The following KHSRP variants were observed in gnomAD, a reference collection of about 807,000 sequenced individuals.
KHSRP encodes KH-type splicing regulatory protein, also known as far upstream element-binding protein 2.
In KHSRP, 13 loss-of-function variants were observed where a neutral mutation model predicts 94.9. That is an observed-to-expected ratio of 0.14 (90% CI 0.09 to 0.22). The LOEUF is 0.22. KHSRP is among the 10% of genes least tolerant of loss of function. The probability of loss-of-function intolerance (pLI) is 1.00; values close to 1 mark genes in which losing one functional copy is unlikely to be tolerated. For synonymous variants in KHSRP, 495 were observed against 401.4 expected, an observed-to-expected ratio of 1.23 and a Z score of -2.79; for missense variants, 710 against 1,010.0, an observed-to-expected ratio of 0.70 and a Z score of 4.03.
chr19:6,414,895 G>C lies in KHSRP; in HGVS notation c.*129C>G. 1.5e-6 allele frequency: 2 copies of C among 1,377,572 alleles called. No individual in the cohort carries two copies. The highest frequency in any genetic ancestry group is 1.9e-6 in the Non-Finnish European group (2 of 1,069,934). 85.3% of individuals were successfully genotyped at this position (1,377,572 alleles called of 1,614,324 possible). A position where few individuals can be genotyped will look rare whatever the true frequency, so the allele number is the denominator to read the frequency against. Reference sequence around the variant, plus strand: ...CTCAGCGCTCCCCAGCATCACGACAGCGGCACACAGGAACAAGCAGCCGGC... The same window carrying C: ...CTCAGCGCTCCCCAGCATCACGACACCGGCACACAGGAACAAGCAGCCGGC... On this transcript the variant is annotated 3_prime_UTR_variant, in exon 19 of 19. Transcript: ENST00000600480.
chr19:6,418,210 C>T lies in KHSRP; in HGVS notation c.880-131G>A. ...GAGCCCAGCACAGCACCCTACTGAG[C>T]TCTCTACCTGCCACTTTAATGGGGA... On this transcript the variant is annotated intron_variant, in intron 9 of 18. Transcript: ENST00000600480. This position sits in a 1 kb window ranked among gnomAD's most constrained non-coding sequence, Gnocchi z 4.3. 1.3e-6 allele frequency: 1 copy of T among 752,706 alleles called. No individual in the cohort carries two copies. The highest frequency in any genetic ancestry group is 2.3e-6 in the Non-Finnish European group (1 of 442,256). The allele number at this position is 752,706 out of a possible 1,614,324, so 46.6% of individuals were successfully genotyped here. A position where few individuals can be genotyped will look rare whatever the true frequency, so the allele number is the denominator to read the frequency against.
intron 1 of KHSRP, 50 bp downstream of exon 1, chr19:6,424,403 C>T (rs958839278): frequency 1.1e-5 from 11 of 960,016 alleles, no homozygotes; most frequent in Middle Eastern, 5.2e-4. Flanking sequence ...GCCCCCTCCC[C>T]CGCCTGCGCG....
Position 6,415,815 on chromosome 19 carries a change from A to T in KHSRP, c.1680T>A (p.His560Gln), listed in dbSNP as rs1415738388. Residue 560 changes from histidine (H) to glutamine (Q), a missense_variant, in exon 16 of 19, where the codon CAT becomes CAA. Physicochemically the swap from His to Gln is conservative, Grantham distance 24. This residue lies in a region of KHSRP where 292 missense variants were observed against 340.5 expected (regional missense o/e 0.86). Transcript: ENST00000600480. ...AGGTGGCCCATCACTTACTTGGGTCATGAGGAGCAGGCGGCTGCCACTGGG... is the reference window on the plus strand; with the variant it reads ...AGGTGGCCCATCACTTACTTGGGTCTTGAGGAGCAGGCGGCTGCCACTGGG... ...TYPQWQPPAP[H>Q]DPSKAAAAAA... The T allele has an allele frequency of 1.9e-6, 3 of 1,571,232 alleles. No homozygotes were observed. The highest frequency in any genetic ancestry group is 2.6e-6 in the Non-Finnish European group (3 of 1,159,026).
chr19:6,415,643 G>C lies in KHSRP; in HGVS notation c.1779C>G (p.Gly593=), dbSNP rs1182134317. ...GTGGGGCCGCAGGGGCCGGTGCGGG[G>C]CCGGGGACGGGGCCCGGGGGCTGCT... ...YYQQPPGPVP[G]PAPAPAAPPA... The change falls in exon 17 of 19, where the codon GGC becomes GGG. Residue 593 remains glycine, a synonymous_variant. Transcript: ENST00000600480. 1 of 1,534,844 alleles carries C rather than the reference G, an allele frequency of 6.5e-7. No individual in the cohort carries two copies. Among genetic ancestry groups the C allele is most frequent in the Non-Finnish European group, 8.8e-7 (1 of 1,142,148 alleles).
At position 6,414,249 on chromosome 19, in the gene KHSRP, G is replaced by A. The variant is rs1490138216; in HGVS notation, c.*775C>T. On this transcript the variant is annotated 3_prime_UTR_variant, in exon 19 of 19. Transcript: ENST00000600480. ...GAAGCCCCCTCCCAAACCTGCGCTG[G>A]CTCAGGCTGGAAGGACGTGCTTGTT... 1.3e-6 allele frequency: 2 copies of A among 1,489,348 alleles called. No homozygotes were observed. The highest frequency in any genetic ancestry group is 2.4e-5 in the East Asian group (1 of 40,872). The allele number at this position is 1,489,348 out of a possible 1,614,324, so 92.3% of individuals were successfully genotyped here.
Position 6,418,218 on chromosome 19 carries a change from C to G in KHSRP, c.880-139G>C, listed in dbSNP as rs923944531. 6.8e-6 allele frequency: 5 copies of G among 731,466 alleles called. No individual in the cohort carries two copies. In the African/African-American group the frequency reaches 8.8e-5, roughly 13 times the overall value. 45.3% of individuals were successfully genotyped at this position (731,466 alleles called of 1,614,324 possible). A position where few individuals can be genotyped will look rare whatever the true frequency, so the allele number is the denominator to read the frequency against. On this transcript the variant is annotated intron_variant, in intron 9 of 18. Coordinates refer to ENST00000600480, the MANE Select transcript of KHSRP (RefSeq NM_001366299.1). This position sits in a 1 kb window ranked among gnomAD's most constrained non-coding sequence, Gnocchi z 4.3. ...CACAGCACCCTACTGAGCTCTCTAC[C>G]TGCCACTTTAATGGGGAGGCACTAC...
In KHSRP at chr19:6,414,669, A is replaced by G; in HGVS notation, c.*355T>C. The stretch of plus-strand genomic sequence containing the variant: ...GCAACACAGTCACTTGGACACAGGA[A>G]AAAAGATCATGGGTTTAAAAAATAA... On this transcript the variant is annotated 3_prime_UTR_variant, in exon 19 of 19. Coordinates refer to ENST00000600480, the MANE Select transcript of KHSRP (RefSeq NM_001366299.1). The G allele has an allele frequency of 9.9e-7, 1 of 1,013,234 alleles. No homozygotes were observed. The highest frequency in any genetic ancestry group is 4.3e-5 in the South Asian group (1 of 23,264). The allele number at this position is 1,013,234 out of a possible 1,614,324, so 62.8% of individuals were successfully genotyped here. A position where few individuals can be genotyped will look rare whatever the true frequency, so the allele number is the denominator to read the frequency against.
At position 6,424,515 on chromosome 19, in the gene KHSRP, C is replaced by T. The variant is rs1252519140; in HGVS notation, c.187G>A (p.Gly63Ser). The T allele has an allele frequency of 3.0e-6, 3 of 986,366 alleles. No homozygotes were observed. The highest frequency in any genetic ancestry group is 3.6e-6 in the Non-Finnish European group (3 of 832,200). The allele number at this position is 986,366 out of a possible 1,614,324, so 61.1% of individuals were successfully genotyped here. A position where few individuals can be genotyped will look rare whatever the true frequency, so the allele number is the denominator to read the frequency against. ...GSAGGPSQPP[G>S]GGGPGIRKDA... is the part of the protein sequence containing the mutation. Reference sequence around the variant, plus strand: ...TTGCGGATTCCCGGGCCGCCTCCGCCGGGTGGCTGAGAGGGGCCCCCGGCC... The same window carrying T: ...TTGCGGATTCCCGGGCCGCCTCCGCTGGGTGGCTGAGAGGGGCCCCCGGCC... Residue 63 changes from glycine (G) to serine (S), a missense_variant, in exon 1 of 19, where the codon GGC becomes AGC. Gly to Ser is a moderately conservative substitution (Grantham distance 56). Transcript: ENST00000600480.
chr19:6,417,109 C>T, intron 11 of KHSRP, 22 bp from the exon 12 acceptor site: 1 of 1,576,108 alleles, frequency 6.3e-7, no homozygotes, highest in Non-Finnish European at 8.6e-7. Flanking sequence ...ACCGAGAGAG[C>T]AGAGACACAA....
In KHSRP at chr19:6,418,187, G is replaced by A; in HGVS notation, c.880-108C>T. ...CTAAGGACCCACGAACCCTGGGTGA[G>A]CCCAGCACAGCACCCTACTGAGCTC... On this transcript the variant is annotated intron_variant, in intron 9 of 18. Coordinates refer to ENST00000600480, the MANE Select transcript of KHSRP (RefSeq NM_001366299.1). This position sits in a 1 kb window ranked among gnomAD's most constrained non-coding sequence, Gnocchi z 4.3. 1.1e-6 allele frequency: 1 copy of A among 881,272 alleles called. No individual in the cohort carries two copies. Among genetic ancestry groups the A allele is most frequent in the East Asian group, 2.6e-5 (1 of 38,090 alleles). The allele number at this position is 881,272 out of a possible 1,614,324, so 54.6% of individuals were successfully genotyped here. A position where few individuals can be genotyped will look rare whatever the true frequency, so the allele number is the denominator to read the frequency against.
chr19:6,419,310 A>C, intron 6 of KHSRP, 50 bp from the exon 7 acceptor site: 2 of 1,507,440 alleles, frequency 1.3e-6, no homozygotes, highest in Non-Finnish European at 1.8e-6. Context: ...CAGGCAGAGA[A>C]AGGCCTGCCT....
Position 6,413,320 on chromosome 19 carries a change from G to A in KHSRP, c.*1704C>T. 2 of 298,186 alleles carry A rather than the reference G, an allele frequency of 6.7e-6. No homozygotes were observed. The highest frequency in any genetic ancestry group is 1.4e-5 in the Non-Finnish European group (2 of 147,586). 18.5% of individuals were successfully genotyped at this position (298,186 alleles called of 1,614,324 possible). On this transcript the variant is annotated 3_prime_UTR_variant, in exon 19 of 19. Transcript: ENST00000600480. ...AAACTACAGGGAGGGAAGGAAAGGGGGGGAGACAGACAGCACCCGCAGACG... is the reference window on the plus strand; with the variant it reads ...AAACTACAGGGAGGGAAGGAAAGGGAGGGAGACAGACAGCACCCGCAGACG...
chr19:6,417,839 C>A lies in KHSRP; in HGVS notation c.981G>T (p.Val327=). The A allele has an allele frequency of 6.2e-7, 1 of 1,613,728 alleles. No homozygotes were observed. The highest frequency in any genetic ancestry group is 8.5e-7 in the Non-Finnish European group (1 of 1,179,690). The part of the protein sequence containing the change: ...YGSRIGGGID[V]PVPRHSVGVV... ...CGCCAACAGAATGCCTGGGCACTGG[C>A]ACCTGGGGAGGGAGGCAGCAGCGTC... Residue 327 remains valine (V), a splice_region_variant and synonymous_variant, in exon 11 of 19, where the codon GTG becomes GTT. Coordinates refer to ENST00000600480, the MANE Select transcript of KHSRP (RefSeq NM_001366299.1).
Position 6,414,992 on chromosome 19 carries a change from G to A in KHSRP, c.*32C>T, listed in dbSNP as rs1359030680. On this transcript the variant is annotated 3_prime_UTR_variant, in exon 19 of 19. Transcript: ENST00000600480. ...CTGGCGGTGCGTGGGGACTCCCGGA[G>A]ACCTCCGGCCACACGGCCCCCGCTG... 26 of 1,444,040 alleles carry A rather than the reference G, an allele frequency of 1.8e-5. No individual in the cohort carries two copies. Among genetic ancestry groups the A allele is most frequent in the Admixed American group, 2.8e-5 (1 of 35,528 alleles). The allele number at this position is 1,444,040 out of a possible 1,614,324, so 89.5% of individuals were successfully genotyped here.
rs932927968 is a variant in KHSRP at position 6,418,328 on chromosome 19, G to A, written c.879+155C>T. 3.3e-5 allele frequency among the ~76,000 whole-genome samples: 5 copies of A among 152,120 alleles called. No homozygotes were observed. The highest frequency in any genetic ancestry group is 3.3e-4 in the Admixed American group (5 of 15,274). On this transcript the variant is annotated intron_variant, in intron 9 of 18. Coordinates refer to ENST00000600480, the MANE Select transcript of KHSRP (RefSeq NM_001366299.1). The surrounding 1 kb of genome is among the most constrained non-coding windows in gnomAD (Gnocchi z 4.3). ...CACACAAAGCTGGGAGTCAGTTCAG[G>A]GCCATCCTACGAGCCAGCGCTCTTG...
At chr19:6,417,570 GTC>G (rs1455786462) in intron 11 of KHSRP, among the ~76,000 whole-genome samples, 167 bp downstream of exon 11, 1 of 152,192 alleles carries the variant, frequency 6.6e-6, no homozygotes, top group Non-Finnish European at 1.5e-5. Flanking sequence ...GCCCTCATGT[GTC>G]TGTCCCAGAG....
intron 11 of KHSRP, 88 bp downstream of exon 11, chr19:6,417,651 C>G (rs956347524): frequency 8.9e-7 from 1 of 1,118,738 alleles, no homozygotes; most frequent in South Asian, 1.3e-5. Flanking sequence ...GGCCACCTGG[C>G]TGACCACGGT....
At position 6,418,200 on chromosome 19, in the gene KHSRP, C is replaced by T; in HGVS notation, c.880-121G>A. 1.3e-6 allele frequency: 1 copy of T among 787,046 alleles called. No homozygotes were observed. The highest frequency in any genetic ancestry group is 2.1e-6 in the Non-Finnish European group (1 of 467,520). The allele number at this position is 787,046 out of a possible 1,614,324, so 48.8% of individuals were successfully genotyped here. On this transcript the variant is annotated intron_variant, in intron 9 of 18. Coordinates refer to ENST00000600480, the MANE Select transcript of KHSRP (RefSeq NM_001366299.1). This position sits in a 1 kb window ranked among gnomAD's most constrained non-coding sequence, Gnocchi z 4.3. Reference sequence around the variant, plus strand: ...AACCCTGGGTGAGCCCAGCACAGCACCCTACTGAGCTCTCTACCTGCCACT... The same window carrying T: ...AACCCTGGGTGAGCCCAGCACAGCATCCTACTGAGCTCTCTACCTGCCACT...
In KHSRP at chr19:6,417,707, C is replaced by T. The variant is rs535474500; in HGVS notation, c.1081+32G>A. 92 of 1,588,136 alleles carry T rather than the reference C, an allele frequency of 5.8e-5. 1 individual carries two copies. In the East Asian group the frequency reaches 1.6e-3, roughly 27 times the overall value. On this transcript the variant is annotated intron_variant, in intron 11 of 18. Transcript: ENST00000600480. ...GCCTCCCAAAGAGGGTGGGGGTGCA[C>T]TGGCCAGGGGCAGGGTGGGCCAGGC...
Sources: allele counts gnomAD v4.1 joint callset (sites outside exome capture counted in the v4.1 genomes callset), GRCh38; gene constraint gnomAD v4.1.1; regional missense constraint gnomAD v4.1.1; non-coding constraint Gnocchi (gnomAD v3.1); transcripts MANE v1.5; gene names NCBI Gene and HGNC (gene_info 2026-07-23, HGNC 2026-07-21).